Variants in MGMT observed in about 807,000 individuals in gnomAD.
MGMT encodes the protein O-6-methylguanine-DNA methyltransferase.
MGMT carries 14 observed loss-of-function variants against 15.9 expected under a neutral mutation model. The observed-to-expected ratio is 0.88, with a 90% CI of 0.58 to 1.37. MGMT has a LOEUF of 1.37. Ranked by LOEUF, MGMT falls within the 40% of genes most tolerant of loss-of-function variation. The pLI is 0.00. For missense variants in MGMT, 282 were observed against 268.1 expected (o/e 1.05, Z -0.36); for synonymous variants, 130 against 118.2 (o/e 1.10, Z -0.65).
At chr10:129,741,112 C>G (rs1044350954) in intron 3 of MGMT, among the ~76,000 whole-genome samples, 19 of 152,092 alleles carry the variant, frequency 1.2e-4, no homozygotes, top group African/African-American at 4.6e-4. Flanking sequence ...TCTGTTTTGG[C>G]AAACTTTCTT....
chr10:129,600,710 C>G (rs531044195), intron 2 of MGMT, among the ~76,000 whole-genome samples: 13 of 152,274 alleles, frequency 8.5e-5, no homozygotes, highest in Admixed American at 8.5e-4. Context: ...AAATGGCCTG[C>G]GTGGGTATCC....
chr10:129,480,830 A>G (rs952977041), intron 1 of MGMT, among the ~76,000 whole-genome samples: 1 of 152,240 alleles, frequency 6.6e-6, no homozygotes, highest in Non-Finnish European at 1.5e-5. Context: ...CAGATATGCA[A>G]GTCTGAATAA....
intron 2 of MGMT, among the ~76,000 whole-genome samples, chr10:129,602,056 C>T (rs1312661157): frequency 6.6e-6 from 1 of 152,108 alleles, no homozygotes. Context: ...TCTCAGCTTT[C>T]CCCAAGAAGG....
chr10:129,678,678 G>A (rs1045536805), intron 2 of MGMT, among the ~76,000 whole-genome samples: 1 of 152,124 alleles, frequency 6.6e-6, no homozygotes, highest in African/African-American at 2.4e-5. Context: ...TGCCTGGGGC[G>A]AAATCCACTC....
At chr10:129,613,381 C>G (rs530382364) in intron 2 of MGMT, among the ~76,000 whole-genome samples, 1 of 152,198 alleles carries the variant, frequency 6.6e-6, no homozygotes, top group African/African-American at 2.4e-5. Context: ...TTGGTCCGGG[C>G]ACTTAGGTGG....
chr10:129,737,812 C>T (rs984334554), intron 3 of MGMT, among the ~76,000 whole-genome samples: 9 of 152,108 alleles, frequency 5.9e-5, no homozygotes, highest in East Asian at 3.9e-4. Context: ...AGTACCCGGC[C>T]GTGTGAGGTG....
intron 2 of MGMT, among the ~76,000 whole-genome samples, chr10:129,541,738 T>C (rs1024017686): frequency 1.3e-5 from 2 of 152,220 alleles, no homozygotes; most frequent in African/African-American, 4.8e-5. Context: ...TAGAGTCCAA[T>C]TGAACTAAAC....
chr10:129,600,197 G>A lies in MGMT; in HGVS notation c.125+63820G>A, dbSNP rs563101362. ...GCTTCTCTGAGCGACCCATCTCTGCGTCCGCCCATCCATGGCTGCCATCTC... is the reference window on the plus strand; with the variant it reads ...GCTTCTCTGAGCGACCCATCTCTGCATCCGCCCATCCATGGCTGCCATCTC... On this transcript the variant is annotated intron_variant, in intron 2 of 4. Transcript: ENST00000651593. Among the ~76,000 whole-genome samples the A allele has an allele frequency of 1.1e-4, 17 of 152,248 alleles. No homozygotes were observed. In the East Asian group the frequency reaches 2.9e-3, roughly 26 times the overall value.
At chr10:129,646,750 A>ATT (rs1335109530) in intron 2 of MGMT, among the ~76,000 whole-genome samples, 20 of 75,880 alleles carry the variant, frequency 2.6e-4, no homozygotes, top group African/African-American at 9.2e-4. Context: ...ATATATATAT[A>ATT]TATATTTTCA....
chr10:129,758,517 A>G (rs1165034067), intron 3 of MGMT, among the ~76,000 whole-genome samples: 1 of 151,988 alleles, frequency 6.6e-6, no homozygotes, highest in Non-Finnish European at 1.5e-5. Flanking sequence ...GCAGAGGGAG[A>G]GAATGTTCTC....
At chr10:129,634,658 G>T (rs533185080) in intron 2 of MGMT, among the ~76,000 whole-genome samples, 6 of 151,620 alleles carry the variant, frequency 4.0e-5, no homozygotes, top group African/African-American at 1.5e-4. Flanking sequence ...GGTTTTTTTA[G>T]TTTTTAATTC....
chr10:129,647,641 C>T (rs1040969615), intron 2 of MGMT, among the ~76,000 whole-genome samples: 1 of 151,980 alleles, frequency 6.6e-6, no homozygotes, highest in African/African-American at 2.4e-5. Flanking sequence ...TTTGTAAATC[C>T]AAGAAGAAAA....
intron 3 of MGMT, among the ~76,000 whole-genome samples, chr10:129,725,977 C>T (rs532185428): frequency 3.3e-5 from 5 of 152,258 alleles, no homozygotes; most frequent in South Asian, 2.1e-4. Context: ...TACCATGTTG[C>T]GTTACAGTTT....
intron 2 of MGMT, among the ~76,000 whole-genome samples, chr10:129,544,673 C>T (rs1473387671): frequency 6.6e-6 from 1 of 152,210 alleles, no homozygotes. Context: ...TGGACCCCTG[C>T]CCCCGGCCCC....
intron 2 of MGMT, among the ~76,000 whole-genome samples, chr10:129,578,595 A>T (rs1380192352): frequency 1.3e-5 from 2 of 152,164 alleles, no homozygotes; most frequent in Admixed American, 1.3e-4. Flanking sequence ...TGACAAGTTA[A>T]TGGGTGCAGC....
chr10:129,759,378 G>A lies in MGMT; in HGVS notation c.414+37G>A, dbSNP rs202034307. 16 of 1,613,186 alleles carry A rather than the reference G, an allele frequency of 9.9e-6. No homozygotes were observed. Among genetic ancestry groups the A allele is most frequent in the Middle Eastern group, 3.4e-4 (2 of 5,818 alleles). Reference sequence around the variant, plus strand: ...TGGCGCAAGCATGGCTGTGGGTGGCGGGTGCGTGCAGGTGGCAGGGTGTCA... The same window carrying A: ...TGGCGCAAGCATGGCTGTGGGTGGCAGGTGCGTGCAGGTGGCAGGGTGTCA... On this transcript the variant is annotated intron_variant, in intron 4 of 4. Transcript: ENST00000651593.
At chr10:129,501,441 G>A (rs1163134274) in intron 1 of MGMT, among the ~76,000 whole-genome samples, 2 of 152,222 alleles carry the variant, frequency 1.3e-5, no homozygotes, top group Non-Finnish European at 1.5e-5. Context: ...TTTGGAAAAT[G>A]TGCTGAGGGT....
At chr10:129,646,735 T>C (rs1328878685) in intron 2 of MGMT, among the ~76,000 whole-genome samples, 1 of 103,674 alleles carries the variant, frequency 9.6e-6, no homozygotes, top group Non-Finnish European at 2.1e-5. Flanking sequence ...TATATATATA[T>C]ATATATATAT....
chr10:129,564,168 T>TCCCCTTCCTCCC (rs1564853437), intron 2 of MGMT: 2 of 46,970 alleles, frequency 4.3e-5, no homozygotes, highest in Non-Finnish European at 8.5e-5. Flanking sequence ...TTCCTCCCCC[T>TCCCCTTCCTCCC]CCCCCTCCCT....
Sources: gnomAD v4.1 joint callset for allele counts (sites outside exome capture counted in the v4.1 genomes callset) on GRCh38, gnomAD v4.1.1 for gene constraint, MANE v1.5 for transcripts, NCBI Gene and HGNC (gene_info 2026-07-23, HGNC 2026-07-21) for gene names.